Variants in PDE4D observed in about 807,000 individuals in gnomAD.
The protein encoded by PDE4D is phosphodiesterase 4D.
PDE4D carries 24 observed loss-of-function variants against 87.4 expected under a neutral mutation model. That is an observed-to-expected ratio of 0.27 (90% confidence interval 0.20 to 0.39). The LOEUF (loss-of-function observed/expected upper bound fraction) is 0.39, where lower values mean the gene tolerates loss of function less well. Among genes scored for constraint, PDE4D ranks in the 10% least tolerant of loss-of-function variants. PDE4D has a pLI of 1.00. For missense variants in PDE4D, 714 were observed against 1,041.0 expected, an observed-to-expected ratio of 0.69 and a Z score of 4.32; for synonymous variants, 384 against 383.2, an observed-to-expected ratio of 1.00 and a Z score of -0.02.
chr5:59,546,253 C>T (rs1165852318), intron 1 of PDE4D, among the ~76,000 whole-genome samples: 1 of 152,160 alleles, frequency 6.6e-6, no homozygotes, highest in African/African-American at 2.4e-5. Flanking sequence ...TTTATCTTTA[C>T]ATAAATGCAG....
At chr5:59,733,836 T>G (rs546692668) in intron 1 of PDE4D, among the ~76,000 whole-genome samples, 1 of 152,208 alleles carries the variant, frequency 6.6e-6, no homozygotes, top group African/African-American at 2.4e-5. Flanking sequence ...AATACCAATT[T>G]TATTACTTTT....
At chr5:59,036,694 T>C (rs1015450240) in intron 6 of PDE4D, among the ~76,000 whole-genome samples, 3 of 152,204 alleles carry the variant, frequency 2.0e-5, no homozygotes, top group African/African-American at 7.2e-5. Context: ...TTAGCACTGA[T>C]TTAGAAATAA....
At chr5:59,308,256 A>G (rs1175211365) in intron 1 of PDE4D, among the ~76,000 whole-genome samples, 1 of 151,816 alleles carries the variant, frequency 6.6e-6, no homozygotes, top group Non-Finnish European at 1.5e-5. Flanking sequence ...GATATACCTA[A>G]TGCTAAATGA....
chr5:60,053,259 C>A (rs1287554105), intron 2 of PDE4D, among the ~76,000 whole-genome samples: 1 of 152,184 alleles, frequency 6.6e-6, no homozygotes. Context: ...AAGAACAAAG[C>A]TGGAGGCATC....
intron 5 of PDE4D, among the ~76,000 whole-genome samples, chr5:59,161,834 A>T (rs1247836111): frequency 3.3e-5 from 5 of 152,214 alleles, no homozygotes; most frequent in African/African-American, 7.2e-5. Context: ...CAGCAAAGAG[A>T]TACTAAAGTT....
chr5:59,578,021 C>A (rs144856180), intron 1 of PDE4D, among the ~76,000 whole-genome samples: 31 of 152,108 alleles, frequency 2.0e-4, no homozygotes, highest in Admixed American at 3.3e-4. Flanking sequence ...AGCTTCATAG[C>A]GGTTTTGAAG....
chr5:59,807,982 C>T (rs911779370), intron 1 of PDE4D, among the ~76,000 whole-genome samples: 1 of 152,210 alleles, frequency 6.6e-6, no homozygotes, highest in Non-Finnish European at 1.5e-5. Context: ...GGATGCCCAT[C>T]ATTCATTTGC....
At chr5:59,584,854 A>C (rs1211816132) in intron 1 of PDE4D, among the ~76,000 whole-genome samples, 1 of 152,216 alleles carries the variant, frequency 6.6e-6, no homozygotes, top group East Asian at 1.9e-4. Context: ...GAAAAGCCTA[A>C]GGCATAGAAG....
chr5:60,282,838 T>C (rs897400119), intron 1 of PDE4D, among the ~76,000 whole-genome samples: 4 of 152,212 alleles, frequency 2.6e-5, no homozygotes, highest in African/African-American at 9.6e-5. Context: ...TTCCCAGGCA[T>C]CTTTCTGCTA....
intron 1 of PDE4D, among the ~76,000 whole-genome samples, chr5:59,890,294 CACCTTTT>C (rs1463022413): frequency 1.4e-5 from 2 of 145,394 alleles, no homozygotes; most frequent in African/African-American, 2.6e-5. Flanking sequence ...CACACACACA[CACCTTTT>C]CTTGTTTGCT....
At chr5:58,985,127 C>A (rs760210178) in intron 11 of PDE4D, among the ~76,000 whole-genome samples, 2 of 152,082 alleles carry the variant, frequency 1.3e-5, no homozygotes, top group Non-Finnish European at 2.9e-5. Context: ...GTTGGCCAGG[C>A]TGGTCTCCGA....
At chr5:60,270,705 AGCCAG>A (rs1397884358) in intron 1 of PDE4D, among the ~76,000 whole-genome samples, 1 of 124,148 alleles carries the variant, frequency 8.1e-6, no homozygotes, top group Non-Finnish European at 1.7e-5. Context: ...GACATAGTAA[AGCCAG>A]TAGGAATGAT....
At chr5:60,397,587 A>T (rs189379704) in intron 1 of PDE4D, among the ~76,000 whole-genome samples, 1 of 152,340 alleles carries the variant, frequency 6.6e-6, no homozygotes, top group Admixed American at 6.5e-5. Context: ...TGAAAATTTT[A>T]AAAGTCAAAC....
intron 6 of PDE4D, among the ~76,000 whole-genome samples, chr5:59,034,004 A>C (rs1159205003): frequency 6.6e-6 from 1 of 152,208 alleles, no homozygotes; most frequent in African/African-American, 2.4e-5. Flanking sequence ...TTTTATGCTA[A>C]GGTAACATCA....
At chr5:59,661,045 T>A (rs544859062) in intron 1 of PDE4D, among the ~76,000 whole-genome samples, 14 of 146,104 alleles carry the variant, frequency 9.6e-5, no homozygotes, top group African/African-American at 3.5e-4. Context: ...CCAGGAGCAG[T>A]TTGCCAGCAC....
At chr5:59,247,802 C>T (rs184827165) in intron 1 of PDE4D, among the ~76,000 whole-genome samples, 15 of 152,100 alleles carry the variant, frequency 9.9e-5, no homozygotes, top group African/African-American at 3.4e-4. Flanking sequence ...CCCAGCACCA[C>T]ACCATCCTGC....
At position 60,427,367 on chromosome 5, in the gene PDE4D, A is replaced by T. The variant is rs377619159; in HGVS notation, c.-90+60575T>A. On this transcript the variant is annotated intron_variant, in intron 1 of 16. Coordinates refer to the PDE4D transcript ENST00000502484. ...ATAAGAATGATCATGGGCTTATGAG[A>T]AACAGTGGGGACTGAAAACCCCAAT... 8.5e-5 allele frequency among the ~76,000 whole-genome samples: 13 copies of T among 152,330 alleles called. No individual in the cohort carries two copies. In the South Asian group the frequency reaches 1.9e-3, roughly 22 times the overall value.
At chr5:60,146,669 T>G (rs1187334706) in intron 2 of PDE4D, among the ~76,000 whole-genome samples, 1 of 152,000 alleles carries the variant, frequency 6.6e-6, no homozygotes, top group Non-Finnish European at 1.5e-5. Context: ...CACAAGAAAA[T>G]AACCAACAGT....
chr5:60,129,940 A>C (rs1779427408), intron 2 of PDE4D, among the ~76,000 whole-genome samples: 1 of 152,172 alleles, frequency 6.6e-6, no homozygotes, highest in Non-Finnish European at 1.5e-5. Context: ...CAATGTGATG[A>C]TATTAGAAGG....
Sources: gnomAD v4.1 joint callset for allele counts (sites outside exome capture counted in the v4.1 genomes callset) on GRCh38, gnomAD v4.1.1 for gene constraint, MANE v1.5 for transcripts, NCBI Gene and HGNC (gene_info 2026-07-23, HGNC 2026-07-21) for gene names.